NKAIN2: variants seen among roughly 807,000 people sequenced by gnomAD.
NKAIN2 encodes the protein sodium/potassium-transporting ATPase subunit beta-1-interacting protein 2.
A neutral mutation model predicts 32.6 loss-of-function variants in NKAIN2; 14 were observed. The observed-to-expected ratio is 0.43, with a 90% CI of 0.28 to 0.67. The LOEUF is 0.67. Among genes scored for constraint, NKAIN2 ranks in the 30% least tolerant of loss-of-function variants. NKAIN2 has a pLI of 0.17. For missense variants in NKAIN2, 198 were observed against 258.3 expected (o/e 0.77, Z 1.60); for synonymous variants, 80 against 87.2 (o/e 0.92, Z 0.46).
chr6:124,083,035 A>G (rs1784044075), intron 1 of NKAIN2, among the ~76,000 whole-genome samples: 1 of 151,924 alleles, frequency 6.6e-6, no homozygotes, highest in African/African-American at 2.4e-5. Flanking sequence ...GAAAACATAG[A>G]CTGCTTTTTA....
chr6:123,845,755 G>A (rs1166038885), intron 1 of NKAIN2, among the ~76,000 whole-genome samples: 3 of 152,126 alleles, frequency 2.0e-5, no homozygotes, highest in Non-Finnish European at 2.9e-5. Context: ...AATCCCCCAC[G>A]GATACTGAGT....
chr6:123,973,658 G>A (rs1373751264), intron 1 of NKAIN2, among the ~76,000 whole-genome samples: 1 of 151,886 alleles, frequency 6.6e-6, no homozygotes, highest in Non-Finnish European at 1.5e-5. Flanking sequence ...TATTTAGGTT[G>A]GTGCAAAAGT....
At chr6:124,754,112 C>T (rs983548126) in intron 4 of NKAIN2, among the ~76,000 whole-genome samples, 1 of 152,080 alleles carries the variant, frequency 6.6e-6, no homozygotes, top group African/African-American at 2.4e-5. Flanking sequence ...GCATTAGTAG[C>T]AGGTTCCAAA....
chr6:124,361,339 ATATTAC>A (rs1562514102), intron 3 of NKAIN2, among the ~76,000 whole-genome samples: 1 of 152,090 alleles, frequency 6.6e-6, no homozygotes, highest in Non-Finnish European at 1.5e-5. Flanking sequence ...ACTTTTCTTC[ATATTAC>A]TATTTTCAGA....
chr6:124,334,957 A>G (rs1004468988), intron 2 of NKAIN2, among the ~76,000 whole-genome samples: 2 of 152,200 alleles, frequency 1.3e-5, no homozygotes, highest in African/African-American at 4.8e-5. Flanking sequence ...TTTCACTGTC[A>G]TAACTTTCTC....
intron 3 of NKAIN2, among the ~76,000 whole-genome samples, chr6:124,404,741 C>A (rs1773773335): frequency 4.0e-5 from 6 of 151,656 alleles, no homozygotes; most frequent in Admixed American, 2.6e-4. Context: ...ATATTTTTGA[C>A]CCTATTACAT....
intron 1 of NKAIN2, among the ~76,000 whole-genome samples, chr6:124,075,520 C>T (rs567713575): frequency 6.6e-6 from 1 of 152,276 alleles, no homozygotes; most frequent in East Asian, 1.9e-4. Flanking sequence ...CCCAAGCCAT[C>T]CTACTGTGAA....
At chr6:124,674,516 T>G (rs1177683213) in intron 4 of NKAIN2, among the ~76,000 whole-genome samples, 1 of 152,050 alleles carries the variant, frequency 6.6e-6, no homozygotes, top group African/African-American at 2.4e-5. Flanking sequence ...TCCATTTATT[T>G]ATATCTTCTT....
At position 124,806,098 on chromosome 6, in the gene NKAIN2, A is replaced by G. The variant is rs536743408; in HGVS notation, c.536-12289A>G. Among the ~76,000 whole-genome samples, 3 of 152,316 alleles carry G rather than the reference A, an allele frequency of 2.0e-5. No homozygotes were observed. In the East Asian group the frequency reaches 5.8e-4, roughly 29 times the overall value. On this transcript the variant is annotated intron_variant, in intron 5 of 6. Coordinates refer to ENST00000368417, the MANE Select transcript of NKAIN2 (RefSeq NM_001040214.3). ...TTATCCAGGAGAACTTCTCCAATCTAGCAAGGCAGGCCAACGTTCAGATTC... is the reference window on the plus strand; with the variant it reads ...TTATCCAGGAGAACTTCTCCAATCTGGCAAGGCAGGCCAACGTTCAGATTC...
At chr6:124,612,193 T>C (rs1782716271) in intron 3 of NKAIN2, among the ~76,000 whole-genome samples, 1 of 149,732 alleles carries the variant, frequency 6.7e-6, no homozygotes. Context: ...GTTTTTGGAA[T>C]AGAAAAAAAT....
chr6:124,043,491 G>C (rs1781972038), intron 1 of NKAIN2, among the ~76,000 whole-genome samples: 1 of 151,988 alleles, frequency 6.6e-6, no homozygotes, highest in African/African-American at 2.4e-5. Flanking sequence ...AGATATCAAA[G>C]CTGCCTTAAA....
At chr6:124,559,016 T>C (rs1015187258) in intron 3 of NKAIN2, among the ~76,000 whole-genome samples, 10 of 152,102 alleles carry the variant, frequency 6.6e-5, no homozygotes, top group African/African-American at 2.4e-4. Context: ...GATGGTTCTA[T>C]TTAATCATTT....
chr6:123,816,086 T>C (rs1773682845), intron 1 of NKAIN2, among the ~76,000 whole-genome samples: 1 of 151,794 alleles, frequency 6.6e-6, no homozygotes, highest in Non-Finnish European at 1.5e-5. Flanking sequence ...TAGCTAGAGA[T>C]TGCAAAAAAG....
Position 124,529,083 on chromosome 6 carries a change from C to A in NKAIN2, c.274-129103C>A, listed in dbSNP as rs1003477579. On this transcript the variant is annotated intron_variant, in intron 3 of 6. Transcript: ENST00000368417. ...ATTTTCTTTGACTCAATATAAATAT[C>A]ATGACAATAGTCAATTATGTAGTCC... Among the ~76,000 whole-genome samples, 9 of 152,152 alleles carry A rather than the reference C, an allele frequency of 5.9e-5. 1 individual carries two copies. The highest frequency in any genetic ancestry group is 1.3e-4 in the Non-Finnish European group (9 of 68,016).
chr6:124,660,163 T>C (rs1234754121), intron 4 of NKAIN2, among the ~76,000 whole-genome samples: 1 of 152,190 alleles, frequency 6.6e-6, no homozygotes, highest in South Asian at 2.1e-4. Flanking sequence ...AAGGAGGTTT[T>C]AAACAAAATA....
intron 1 of NKAIN2, among the ~76,000 whole-genome samples, chr6:123,992,530 A>C (rs1779454188): frequency 6.6e-6 from 1 of 152,226 alleles, no homozygotes; most frequent in Admixed American, 6.5e-5. Context: ...AAGGTAAAGT[A>C]ACATAAAGGA....
chr6:123,810,645 T>TC (rs1473525917), intron 1 of NKAIN2, among the ~76,000 whole-genome samples: 1 of 149,554 alleles, frequency 6.7e-6, no homozygotes, highest in African/African-American at 2.6e-5. Context: ...AAAAATATAT[T>TC]CTTTTTTTTT....
intron 1 of NKAIN2, among the ~76,000 whole-genome samples, chr6:123,867,091 A>C (rs147594781): frequency 1.9e-3 from 283 of 152,294 alleles, no homozygotes; most frequent in Non-Finnish European, 3.2e-3. Flanking sequence ...GAGATGTTTC[A>C]ATATTCTTTC....
intron 4 of NKAIN2, among the ~76,000 whole-genome samples, chr6:124,733,712 T>C (rs1442310258): frequency 2.0e-5 from 3 of 151,820 alleles, no homozygotes; most frequent in Admixed American, 2.0e-4. Flanking sequence ...GACATTAGTG[T>C]GAGTTCATAT....
Sources: allele counts gnomAD v4.1 joint callset (sites outside exome capture counted in the v4.1 genomes callset), GRCh38; gene constraint gnomAD v4.1.1; transcripts MANE v1.5; gene names NCBI Gene and HGNC (gene_info 2026-07-23, HGNC 2026-07-21).